The following MICAL3 variants were observed in gnomAD, a reference collection of about 807,000 sequenced individuals.
MICAL3 encodes microtubule associated monooxygenase, calponin and LIM domain containing 3.
MICAL3 carries 62 observed loss-of-function variants against 207.4 expected under a neutral mutation model. That is an observed-to-expected ratio of 0.30 (90% CI 0.24 to 0.37). The LOEUF (loss-of-function observed/expected upper bound fraction) is 0.37. Ranked by LOEUF, MICAL3 falls within the 10% of genes least tolerant of loss-of-function variation. The probability of loss-of-function intolerance (pLI) is 1.00; values close to 1 mark genes in which losing one functional copy is unlikely to be tolerated. For missense variants in MICAL3, 2,368 were observed against 2,635.6 expected (o/e 0.90, Z 2.22); for synonymous variants, 1,077 against 1,069.3 (o/e 1.01, Z -0.14).
intron 16 of MICAL3, among the ~76,000 whole-genome samples, chr22:17,877,207 T>C (rs199533534): frequency 4.0e-4 from 4 of 9,976 alleles, no homozygotes; most frequent in Non-Finnish European, 5.6e-4. Context: ...AGGGAGGTTA[T>C]GGAGGTTATG....
At chr22:17,843,069 C>G (rs564676389) in intron 19 of MICAL3, among the ~76,000 whole-genome samples, 1 of 134,704 alleles carries the variant, frequency 7.4e-6, no homozygotes, top group Admixed American at 8.2e-5. Context: ...TGCAGTGAAC[C>G]GAGATTGCGC....
intron 1 of MICAL3, among the ~76,000 whole-genome samples, chr22:18,014,491 C>T (rs1030572005): frequency 6.6e-6 from 1 of 151,034 alleles, no homozygotes; most frequent in Non-Finnish European, 1.5e-5. Flanking sequence ...TTTCCCACTT[C>T]AAAAGAAAAA....
Position 17,871,862 on chromosome 22 carries a change from C to A in MICAL3, c.2403G>T (p.Ser801=). The A allele has an allele frequency of 6.2e-7, 1 of 1,609,734 alleles. No individual in the cohort carries two copies. The highest frequency in any genetic ancestry group is 1.1e-5 in the South Asian group (1 of 89,708). Residue 801 remains serine (S), a synonymous_variant, in exon 17 of 32, where the codon TCG becomes TCT. Coordinates refer to ENST00000441493, the MANE Select transcript of MICAL3 (RefSeq NM_015241.3). ...CATCCTCGATGTCGTAGGCGTAGGCCGAGAGGCGCAGGGTGGTGGCGCAGT... is the reference window on the plus strand; with the variant it reads ...CATCCTCGATGTCGTAGGCGTAGGCAGAGAGGCGCAGGGTGGTGGCGCAGT... ...CEYCATTLRL[S]AYAYDIEDGK... is the part of the protein sequence containing the mutation.
At chr22:17,960,128 C>A (rs1326518834) in intron 1 of MICAL3, among the ~76,000 whole-genome samples, 4 of 152,204 alleles carry the variant, frequency 2.6e-5, no homozygotes, top group African/African-American at 9.6e-5. Flanking sequence ...TCCCTCCAGG[C>A]TGAGCGCGGC....
chr22:18,007,922 CAAAAAAAAAAAAA>C (rs60544257), intron 1 of MICAL3, among the ~76,000 whole-genome samples: 9 of 37,752 alleles, frequency 2.4e-4, no homozygotes, highest in African/African-American at 4.1e-4. Context: ...GACTCCATCT[CAAAAAAAAAAAAA>C]AAAAAAAAAA....
At chr22:17,810,256 G>A (rs1490191032) in intron 28 of MICAL3, among the ~76,000 whole-genome samples, 1 of 152,034 alleles carries the variant, frequency 6.6e-6, no homozygotes, top group East Asian at 1.9e-4. Context: ...TAGAGACGGG[G>A]GTTTCACCGT....
Position 17,841,679 on chromosome 22 carries a change from TA to T in MICAL3, c.2801+142del. 2 of 771,594 alleles carry T rather than the reference TA, an allele frequency of 2.6e-6. No homozygotes were observed. Among genetic ancestry groups the T allele is most frequent in the Non-Finnish European group, 4.2e-6 (2 of 478,236 alleles). 47.8% of individuals were successfully genotyped at this position (771,594 alleles called of 1,614,324 possible). A position where few individuals can be genotyped will look rare whatever the true frequency, so the allele number is the denominator to read the frequency against. On this transcript the variant is annotated intron_variant, in intron 20 of 31. Transcript: ENST00000441493. This position sits in a 1 kb window ranked among gnomAD's most constrained non-coding sequence, Gnocchi z 4.2. The stretch of plus-strand genomic sequence containing the variant: ...TGACTAGAAGATGAGGCTAAGAACC[TA>T]AAAGGGACTGGGGAGAATGGACTGC...
chr22:17,991,083 A>G lies in MICAL3; in HGVS notation c.-75+33198T>C, dbSNP rs539206397. Among the ~76,000 whole-genome samples the G allele has an allele frequency of 5.9e-5, 9 of 152,354 alleles. No individual in the cohort carries two copies. In the East Asian group the frequency reaches 1.7e-3, roughly 29 times the overall value. The stretch of plus-strand genomic sequence containing the variant: ...CCACACGGCTCCTGGCGTGCAGATG[A>G]ATACTGCATGAGCAGAGGCTGGGCC... On this transcript the variant is annotated intron_variant, in intron 1 of 31. Coordinates refer to ENST00000441493, the MANE Select transcript of MICAL3 (RefSeq NM_015241.3).
Position 17,889,183 on chromosome 22 carries a change from A to T in MICAL3, c.1742T>A (p.Leu581Gln), listed in dbSNP as rs770090437. The change falls in exon 13 of 32, where the codon CTG becomes CAG. Residue 581 changes from leucine (L) to glutamine (Q), a missense_variant. Around this residue, in one of 4 missense-constraint regions of MICAL3, gnomAD observed 51 missense variants for 87.8 expected, o/e 0.58. Coordinates refer to ENST00000441493, the MANE Select transcript of MICAL3 (RefSeq NM_015241.3). ...TTCCTTCTCAGCAATGTCAAAGGCC[A>T]GTTGGTTATTCTTCTCCACATTTTG... ...DEQNVEKNNQ[L>Q]AFDIAEKELG... 35 of 1,613,774 alleles carry T rather than the reference A, an allele frequency of 2.2e-5. No homozygotes were observed. Among genetic ancestry groups the T allele is most frequent in the Non-Finnish European group, 2.8e-5 (33 of 1,179,654 alleles).
chr22:17,961,461 G>A (rs55865752), intron 1 of MICAL3, among the ~76,000 whole-genome samples: 30,545 of 151,786 alleles, frequency 0.2, 3,243 homozygotes, highest in Middle Eastern at 0.27. Flanking sequence ...TGACCAGGAG[G>A]GCATCAGTCT....
Position 17,916,452 on chromosome 22 carries a change from C to T in MICAL3, c.-74-9566G>A, listed in dbSNP as rs190109195. Among the ~76,000 whole-genome samples, 451 of 152,320 alleles carry T rather than the reference C, an allele frequency of 3.0e-3. 2 individuals are homozygous for T. The highest frequency in any genetic ancestry group is 4.2e-3 in the Non-Finnish European group (289 of 68,026). Reference sequence around the variant, plus strand: ...TAACTTACTCTGCTCCCCTTGACAGCAAAACTCGCTGAAAGAATTGTCAAT... The same window carrying T: ...TAACTTACTCTGCTCCCCTTGACAGTAAAACTCGCTGAAAGAATTGTCAAT... On this transcript the variant is annotated intron_variant, in intron 1 of 31. Coordinates refer to ENST00000441493, the MANE Select transcript of MICAL3 (RefSeq NM_015241.3).
chr22:17,994,285 G>T (rs1387423740), intron 1 of MICAL3, among the ~76,000 whole-genome samples: 1 of 152,174 alleles, frequency 6.6e-6, no homozygotes, highest in Admixed American at 6.5e-5. Context: ...ACGCTAAAGG[G>T]TAGCTGCCAT....
chr22:17,873,931 G>T (rs965241911), intron 16 of MICAL3, among the ~76,000 whole-genome samples: 2 of 152,340 alleles, frequency 1.3e-5, no homozygotes, highest in African/African-American at 4.8e-5. Context: ...CCCCCTGGGG[G>T]AACCTGACCC....
At chr22:17,797,389 G>A (rs2061887683) in intron 29 of MICAL3, among the ~76,000 whole-genome samples, 1 of 152,180 alleles carries the variant, frequency 6.6e-6, no homozygotes, top group Non-Finnish European at 1.5e-5. Context: ...AGCTACTCAG[G>A]AGGCTACGGT....
At chr22:17,833,983 C>T (rs1219357150) in intron 20 of MICAL3, among the ~76,000 whole-genome samples, 1 of 152,162 alleles carries the variant, frequency 6.6e-6, no homozygotes, top group Non-Finnish European at 1.5e-5. Context: ...TTCCCTGTAA[C>T]GAACCATAAC....
chr22:17,884,713 C>A (rs1929725777), intron 16 of MICAL3, among the ~76,000 whole-genome samples: 1 of 152,246 alleles, frequency 6.6e-6, no homozygotes, highest in South Asian at 2.1e-4. Context: ...AGGCAACCTT[C>A]CTCTAACGGA....
chr22:18,009,335 A>AAAATATATATTATATAT (rs1222667781), intron 1 of MICAL3, among the ~76,000 whole-genome samples: 2 of 134,178 alleles, frequency 1.5e-5, no homozygotes, highest in African/African-American at 5.9e-5. Flanking sequence ...AAAAATTTAT[A>AAAATATATATTATATAT]AAATATATAT....
At chr22:17,910,192 A>G (rs1453965230) in intron 1 of MICAL3, among the ~76,000 whole-genome samples, 2 of 152,166 alleles carry the variant, frequency 1.3e-5, no homozygotes, top group African/African-American at 4.8e-5. Context: ...CCATAACTCC[A>G]AAATCCTTCC....
At chr22:17,932,236 G>A (rs975924761) in intron 1 of MICAL3, among the ~76,000 whole-genome samples, 1 of 152,154 alleles carries the variant, frequency 6.6e-6, no homozygotes, top group Admixed American at 6.5e-5. Context: ...GAGAAAGGTC[G>A]AGTTACCCAC....
Sources: gnomAD v4.1 joint callset for allele counts (sites outside exome capture counted in the v4.1 genomes callset) on GRCh38, gnomAD v4.1.1 for gene constraint, gnomAD v4.1.1 regional missense constraint, Gnocchi (gnomAD v3.1) non-coding constraint, MANE v1.5 for transcripts, NCBI Gene and HGNC (gene_info 2026-07-23, HGNC 2026-07-21) for gene names.